PEG3: variants seen among roughly 807,000 people sequenced by gnomAD.
PEG3 encodes paternally-expressed gene 3 protein.
A neutral mutation model predicts 35.5 loss-of-function variants in PEG3; 23 were observed. The ratio of observed to expected loss-of-function variants is 0.65; its 90% CI spans 0.47 to 0.92. The LOEUF (loss-of-function observed/expected upper bound fraction) is 0.92, where lower values mean the gene tolerates loss of function less well. Among genes scored for constraint, PEG3 ranks in the 40% least tolerant of loss-of-function variants. The pLI, the probability that PEG3 is intolerant of heterozygous loss-of-function variation, is 0.00. For synonymous variants in PEG3, 707 were observed against 697.0 expected (o/e 1.01, Z -0.23); for missense variants, 1,960 against 1,985.3 (o/e 0.99, Z 0.24).
rs755369888 is a variant in PEG3 at position 56,817,588 on chromosome 19, A to G, written c.863-9T>C. The G allele has an allele frequency of 2.5e-6, 4 of 1,578,444 alleles. No individual in the cohort carries two copies. Among genetic ancestry groups the G allele is most frequent in the Non-Finnish European group, 3.4e-6 (4 of 1,161,630 alleles). ...AGGCATAGTTTTTAGACCTGGAAAG[A>G]AACCCCAAATGTAAATACTCCCTAG... On this transcript the variant is annotated splice_polypyrimidine_tract_variant and intron_variant, in intron 9 of 9. Coordinates refer to ENST00000326441, the MANE Select transcript of PEG3 (RefSeq NM_006210.3).
In PEG3 at chr19:56,815,112, C is replaced by T. The variant is rs1200376609; in HGVS notation, c.3330G>A (p.Glu1110=). The stretch of plus-strand genomic sequence containing the variant: ...GATCCACAAAGCCCAGGCCACAGTC[C>T]TCACATTCATAGATTTTGTCATCAG... ...DDPDDKIYEC[E]DCGLGFVDLT... Residue 1110 remains glutamate, a synonymous_variant, in exon 10 of 10, where the codon GAG becomes GAA. Transcript: ENST00000326441. 6.8e-6 allele frequency: 11 copies of T among 1,613,730 alleles called. No individual in the cohort carries two copies. The highest frequency in any genetic ancestry group is 2.2e-5 in the East Asian group (1 of 44,870).
chr19:56,827,715 T>C (rs2061186715), intron 2 of PEG3, among the ~76,000 whole-genome samples: 1 of 152,218 alleles, frequency 6.6e-6, no homozygotes, highest in Non-Finnish European at 1.5e-5. Flanking sequence ...ACAAGATATG[T>C]TATGTTTGTA....
chr19:56,822,214 G>A (rs1280798090), intron 6 of PEG3, among the ~76,000 whole-genome samples: 1 of 152,172 alleles, frequency 6.6e-6, no homozygotes, highest in African/African-American at 2.4e-5. Flanking sequence ...ATTTTAGGGT[G>A]CCCTGCTGCC....
rs2060810141 is a variant in PEG3 at position 56,824,353 on chromosome 19, C to A, written c.303G>T (p.Lys101Asn). 1.9e-6 allele frequency: 3 copies of A among 1,614,000 alleles called. No individual in the cohort carries two copies. Among genetic ancestry groups the A allele is most frequent in the Admixed American group, 1.7e-5 (1 of 59,992 alleles). Reference protein sequence around the residue: ...LEQYLTIIPEKLKPWVRAKKP... With the variant: ...LEQYLTIIPENLKPWVRAKKP... ...TTTTTGCTCGCACCCAAGGCTTGAGCTTTTCAGGGATGATGGTCAGGTACT... is the reference window on the plus strand; with the variant it reads ...TTTTTGCTCGCACCCAAGGCTTGAGATTTTCAGGGATGATGGTCAGGTACT... The change falls in exon 4 of 10, where the codon AAG (lysine) becomes AAT (asparagine). Residue 101 changes from lysine (K) to asparagine (N), a missense_variant. By Grantham distance (94) the Lys-to-Asn change is moderately conservative. Around this residue, in one of 5 missense-constraint regions of PEG3, gnomAD observed 613 missense variants for 577.1 expected, o/e 1.06. Coordinates refer to ENST00000326441, the MANE Select transcript of PEG3 (RefSeq NM_006210.3).
chr19:56,810,916 G>A lies in PEG3; in HGVS notation c.*2759C>T, dbSNP rs2059494747. 4.2e-6 allele frequency: 4 copies of A among 962,480 alleles called. No individual in the cohort carries two copies. The highest frequency in any genetic ancestry group is 4.9e-6 in the Non-Finnish European group (4 of 809,246). The allele number at this position is 962,480 out of a possible 1,614,324, so 59.6% of individuals were successfully genotyped here. ...GACACACATAATACACTGTTATCAG[G>A]ACATTATTATAGGGAACATTTGAAA... is the stretch of plus-strand genomic sequence containing the variant. On this transcript the variant is annotated 3_prime_UTR_variant, in exon 10 of 10. Transcript: ENST00000326441.
chr19:56,811,570 AC>A lies in PEG3; in HGVS notation c.*2104del. The A allele has an allele frequency of 2.0e-6, 2 of 985,294 alleles. No individual in the cohort carries two copies. Among genetic ancestry groups the A allele is most frequent in the Non-Finnish European group, 2.4e-6 (2 of 829,836 alleles). 61.0% of individuals were successfully genotyped at this position (985,294 alleles called of 1,614,324 possible). Reference sequence around the variant, plus strand: ...AAGGTTGGAACGGACACCCTGACTTACAGCAAGTTGCTTTCTGAAAAGGGGC... The same window carrying A: ...AAGGTTGGAACGGACACCCTGACTTAAGCAAGTTGCTTTCTGAAAAGGGGC... On this transcript the variant is annotated 3_prime_UTR_variant, in exon 10 of 10. Transcript: ENST00000326441.
rs201029818 is a variant in PEG3, at chr19:56,817,351, C to T, written c.1091G>A (p.Arg364Gln). The change falls in exon 10 of 10, where the codon CGG becomes CAG. Residue 364 changes from arginine (R) to glutamine (Q), a missense_variant. Arg to Gln is a conservative substitution (Grantham distance 43). This residue lies in a region of PEG3 where 613 missense variants were observed against 577.1 expected (regional missense o/e 1.06). Transcript: ENST00000326441. ...CCTAAATGCATTCCCTTCATAAACC[C>T]GCTGCTGGATCACTGACTCCCTCTT... is the stretch of plus-strand genomic sequence containing the variant. ...LNKRESVIQQ[R>Q]VYEGNAFRGG... is the part of the protein sequence containing the mutation. The T allele has an allele frequency of 5.0e-5, 81 of 1,613,906 alleles. No individual in the cohort carries two copies. In the East Asian group the frequency reaches 1.4e-3, roughly 28 times the overall value.
intron 5 of PEG3, among the ~76,000 whole-genome samples, chr19:56,823,203 T>C (rs1168359706): frequency 6.6e-6 from 1 of 152,062 alleles, no homozygotes; most frequent in Admixed American, 6.6e-5. Context: ...GTACACGTTA[T>C]TCTACTACAA....
In PEG3 at chr19:56,814,762, C is replaced by T. The variant is rs753686357; in HGVS notation, c.3680G>A (p.Cys1227Tyr). ...AATGAAGCCTTGTCCACACAAAAGG[C>T]ATCGAATGGCCGACCCAGCAAGAGC... ...NPALAGSAIR[C>Y]LLCGQGFIHS... Residue 1227 changes from cysteine to tyrosine, a missense_variant, in exon 10 of 10, where the codon TGC becomes TAC. Physicochemically the swap from Cys to Tyr is radical, Grantham distance 194. Coordinates refer to ENST00000326441, the MANE Select transcript of PEG3 (RefSeq NM_006210.3). This position sits in a 1 kb window ranked among gnomAD's most constrained non-coding sequence, Gnocchi z 5.8. 1.1e-5 allele frequency: 18 copies of T among 1,614,024 alleles called. No homozygotes were observed. Among genetic ancestry groups the T allele is most frequent in the Non-Finnish European group, 1.4e-5 (17 of 1,180,050 alleles).
Position 56,817,147 on chromosome 19 carries a change from C to T in PEG3, c.1295G>A (p.Ser432Asn). The T allele has an allele frequency of 6.2e-7, 1 of 1,614,182 alleles. No individual in the cohort carries two copies. Among genetic ancestry groups the T allele is most frequent in the Non-Finnish European group, 8.5e-7 (1 of 1,180,006 alleles). ...GGTAAAGGAGGGGGAGCTGAGGCTGCTCAGGCTGCTCACGCTCATGGCTTT... is the reference window on the plus strand; with the variant it reads ...GGTAAAGGAGGGGGAGCTGAGGCTGTTCAGGCTGCTCACGCTCATGGCTTT... ...MRKAMSVSSL[S>N]SLSSPSFTES... The change falls in exon 10 of 10, where the codon AGC (serine) becomes AAC (asparagine). Residue 432 changes from serine to asparagine, a missense_variant. Coordinates refer to ENST00000326441, the MANE Select transcript of PEG3 (RefSeq NM_006210.3).
At position 56,813,617 on chromosome 19, in the gene PEG3, T is replaced by G; in HGVS notation, c.*58A>C. 1.3e-6 allele frequency: 2 copies of G among 1,543,914 alleles called. No individual in the cohort carries two copies. Among genetic ancestry groups the G allele is most frequent in the Admixed American group, 3.9e-5 (2 of 51,414 alleles). The stretch of plus-strand genomic sequence containing the variant: ...TTATCATGGATTGGTTTGGATTCTC[T>G]GTGGTTTGGTAAGGGTCAAGTCCTA... On this transcript the variant is annotated 3_prime_UTR_variant, in exon 10 of 10. Coordinates refer to ENST00000326441, the MANE Select transcript of PEG3 (RefSeq NM_006210.3).
At chr19:56,826,581 C>T (rs1196184043) in intron 2 of PEG3, 118 bp from the exon 3 acceptor site, 2 of 152,194 alleles carry the variant, frequency 1.3e-5, no homozygotes, top group Non-Finnish European at 2.9e-5. Context: ...GGGGTGATGC[C>T]TTCTATACCT....
chr19:56,812,543 T>C lies in PEG3; in HGVS notation c.*1132A>G. ...CTGGGCACCTAGGGTGCAAACTGAC[T>C]TGTGGCAGCATAAGCTGATGCTGCA... On this transcript the variant is annotated 3_prime_UTR_variant, in exon 10 of 10. Coordinates refer to ENST00000326441, the MANE Select transcript of PEG3 (RefSeq NM_006210.3). The C allele has an allele frequency of 1.0e-6, 1 of 985,832 alleles. No individual in the cohort carries two copies. Among genetic ancestry groups the C allele is most frequent in the Non-Finnish European group, 1.2e-6 (1 of 829,906 alleles). The allele number at this position is 985,832 out of a possible 1,614,324, so 61.1% of individuals were successfully genotyped here.
Position 56,810,277 on chromosome 19 carries a change from C to T in PEG3, c.*3398G>A. 2.0e-6 allele frequency: 2 copies of T among 981,040 alleles called. No individual in the cohort carries two copies. The highest frequency in any genetic ancestry group is 2.4e-6 in the Non-Finnish European group (2 of 826,028). 60.8% of individuals were successfully genotyped at this position (981,040 alleles called of 1,614,324 possible). On this transcript the variant is annotated 3_prime_UTR_variant, in exon 10 of 10. Transcript: ENST00000326441. ...GTAACTTCAAAGTTTCTATAATGAA[C>T]ACATTTCATATATAATGGAAATATA...
Position 56,814,385 on chromosome 19 carries a change from G to A in PEG3, c.4057C>T (p.Leu1353Phe), listed in dbSNP as rs754025939. ...TCTTCTTCTTCTTCTTCCAGATGAAGCTCCTTATGTTTAGTGAGGACTGTG... is the reference window on the plus strand; with the variant it reads ...TCTTCTTCTTCTTCTTCCAGATGAAACTCCTTATGTTTAGTGAGGACTGTG... The part of the protein sequence containing the change: ...HSTVLTKHKE[L>F]HLEEEEEDEA... The change falls in exon 10 of 10, where the codon CTT (leucine) becomes TTT (phenylalanine). Residue 1353 changes from leucine to phenylalanine, a missense_variant. Leu to Phe is a conservative substitution (Grantham distance 22). Around this residue, in one of 5 missense-constraint regions of PEG3, gnomAD observed 416 missense variants for 416.7 expected, o/e 1.00. Coordinates refer to ENST00000326441, the MANE Select transcript of PEG3 (RefSeq NM_006210.3). This position sits in a 1 kb window ranked among gnomAD's most constrained non-coding sequence, Gnocchi z 5.8. 1 of 1,613,836 alleles carries A rather than the reference G, an allele frequency of 6.2e-7. No homozygotes were observed. The highest frequency in any genetic ancestry group is 8.5e-7 in the Non-Finnish European group (1 of 1,179,884).
rs759701596 is a variant in PEG3 at position 56,815,543 on chromosome 19, T to C, written c.2899A>G (p.Met967Val). ...CCACACTCCTGACATTCATAGAGCATCCCTCGAGGGCGAAATGTTTGTTCA... is the reference window on the plus strand; with the variant it reads ...CCACACTCCTGACATTCATAGAGCACCCCTCGAGGGCGAAATGTTTGTTCA... ...FGEQTFRPRG[M>V]LYECQECGEC... The change falls in exon 10 of 10, where the codon ATG (methionine) becomes GTG (valine). Residue 967 changes from methionine to valine, a missense_variant. Physicochemically the swap from Met to Val is conservative, Grantham distance 21. Around this residue, in one of 5 missense-constraint regions of PEG3, gnomAD observed 798 missense variants for 782.4 expected, o/e 1.02. Transcript: ENST00000326441. 1 of 1,614,076 alleles carries C rather than the reference T, an allele frequency of 6.2e-7. No homozygotes were observed. The highest frequency in any genetic ancestry group is 2.2e-5 in the East Asian group (1 of 44,868).
rs1423486436 is a variant in PEG3 at position 56,812,893 on chromosome 19, G to T, written c.*782C>A. ...ACCACTTCAACAAACATAACATGTGGCAACCAATCAATCTGGGTCACAAAA... is the reference window on the plus strand; with the variant it reads ...ACCACTTCAACAAACATAACATGTGTCAACCAATCAATCTGGGTCACAAAA... On this transcript the variant is annotated 3_prime_UTR_variant, in exon 10 of 10. Transcript: ENST00000326441. 1.0e-5 allele frequency: 10 copies of T among 985,174 alleles called. No individual in the cohort carries two copies. Among genetic ancestry groups the T allele is most frequent in the Non-Finnish European group, 1.2e-5 (10 of 829,840 alleles). The allele number at this position is 985,174 out of a possible 1,614,324, so 61.0% of individuals were successfully genotyped here.
At chr19:56,833,396 G>C (rs1439120819) in intron 2 of PEG3, 1 of 344,072 alleles carries the variant, frequency 2.9e-6, no homozygotes, top group Admixed American at 4.1e-5. Flanking sequence ...CTCTCTTCTT[G>C]TTTGCTCCAT....
At chr19:56,822,583 G>T in intron 6 of PEG3, 170 bp downstream of exon 6, 1 of 773,988 alleles carries the variant, frequency 1.3e-6, no homozygotes, top group Non-Finnish European at 2.1e-6. Flanking sequence ...CTGTGCTGGT[G>T]GTACCGAGTG....
Sources: gnomAD v4.1 joint callset for allele counts (sites outside exome capture counted in the v4.1 genomes callset) on GRCh38, gnomAD v4.1.1 for gene constraint, gnomAD v4.1.1 regional missense constraint, Gnocchi (gnomAD v3.1) non-coding constraint, MANE v1.5 for transcripts, NCBI Gene and HGNC (gene_info 2026-07-23, HGNC 2026-07-21) for gene names.